KMT2C: variants seen among roughly 807,000 people sequenced by gnomAD.
KMT2C encodes histone-lysine N-methyltransferase 2C.
Under a neutral mutation model 507.9 loss-of-function variants are expected in KMT2C, and 88 were observed. The observed-to-expected ratio is 0.17, with a 90% CI of 0.15 to 0.21. The LOEUF is 0.21. Ranked by LOEUF, KMT2C falls within the 10% of genes least tolerant of loss-of-function variation. The pLI is 1.00. For missense variants in KMT2C, 4,954 were observed against 5,957.8 expected (o/e 0.83, Z 5.55); for synonymous variants, 2,049 against 2,080.8 (o/e 0.98, Z 0.42).
chr7:152,360,440 T>C (rs2097187275), intron 1 of KMT2C, among the ~76,000 whole-genome samples: 2 of 151,390 alleles, frequency 1.3e-5, no homozygotes, highest in South Asian at 2.1e-4. Flanking sequence ...ATCACACCAT[T>C]GCACTCCAGC....
At chr7:152,410,030 T>C (rs1437822761) in intron 1 of KMT2C, among the ~76,000 whole-genome samples, 5 of 152,284 alleles carry the variant, frequency 3.3e-5, no homozygotes, top group Non-Finnish European at 7.3e-5. Flanking sequence ...CTCATTACTC[T>C]TAAATCAACC....
At chr7:152,284,436 CT>C (rs2096265833) in intron 6 of KMT2C, among the ~76,000 whole-genome samples, 1 of 152,058 alleles carries the variant, frequency 6.6e-6, no homozygotes, top group East Asian at 1.9e-4. Context: ...ATCTCAAATT[CT>C]TTTATCATAT....
rs1432643437 is a variant in KMT2C, at chr7:152,251,932, A to T, written c.1621+7T>A. ...AAAATTTAAAAAAAAATCATTCTCA[A>T]ATTTACCTGTAGTGAGCTCAGCTAT... On this transcript the variant is annotated splice_region_variant and intron_variant, in intron 11 of 58. Transcript: ENST00000262189. The T allele has an allele frequency of 6.4e-7, 1 of 1,565,176 alleles. No individual in the cohort carries two copies. Among genetic ancestry groups the T allele is most frequent in the Non-Finnish European group, 8.6e-7 (1 of 1,157,872 alleles).
intron 44 of KMT2C, 79 bp downstream of exon 44, chr7:152,158,784 G>A: frequency 7.6e-7 from 1 of 1,321,918 alleles, no homozygotes; most frequent in Non-Finnish European, 1.1e-6. Flanking sequence ...CAAAGTGCTG[G>A]GATTACAGGC....
At chr7:152,184,610 C>T (rs1033955191) in intron 34 of KMT2C, among the ~76,000 whole-genome samples, 2 of 152,178 alleles carry the variant, frequency 1.3e-5, no homozygotes, top group Non-Finnish European at 1.5e-5. Flanking sequence ...GACACTGAGG[C>T]ATGCCAATCC....
At position 152,163,318 on chromosome 7, in the gene KMT2C, T is replaced by C. The variant is rs1177151751; in HGVS notation, c.10259A>G (p.Asp3420Gly). ...CCTCTGCTGCAAAGCTCTTTGTCTA[T>C]CTACCTCCTGCATGAGTTGGATCCG... is the stretch of plus-strand genomic sequence containing the variant. ...RQRIQLMQEV[D>G]RQRALQQRME... The change falls in exon 43 of 59, where the codon GAT becomes GGT. Residue 3420 changes from aspartate (D) to glycine (G), a missense_variant. Transcript: ENST00000262189. 2.5e-6 allele frequency: 4 copies of C among 1,614,116 alleles called. No individual in the cohort carries two copies. In the Admixed American group the frequency reaches 5.0e-5, roughly 20 times the overall value.
At chr7:152,298,498 A>G (rs1480463343) in intron 6 of KMT2C, among the ~76,000 whole-genome samples, 2 of 152,226 alleles carry the variant, frequency 1.3e-5, no homozygotes, top group African/African-American at 2.4e-5. Context: ...GTACATCTCT[A>G]AAGTTCTAGA....
chr7:152,309,311 T>C (rs2096648579), intron 6 of KMT2C, among the ~76,000 whole-genome samples: 1 of 147,366 alleles, frequency 6.8e-6, no homozygotes, highest in Non-Finnish European at 1.5e-5. Flanking sequence ...TTACACAAAT[T>C]AATTTTTTTT....
intron 38 of KMT2C, among the ~76,000 whole-genome samples, chr7:152,175,973 G>A (rs1258708609): frequency 6.6e-6 from 1 of 152,142 alleles, no homozygotes; most frequent in Non-Finnish European, 1.5e-5. Context: ...AACCCAGGAG[G>A]TGGAGGTTGC....
intron 9 of KMT2C, among the ~76,000 whole-genome samples, chr7:152,258,912 T>C (rs1003981238): frequency 4.6e-5 from 7 of 152,152 alleles, no homozygotes; most frequent in African/African-American, 1.7e-4. Context: ...ACATACTGCT[T>C]TATTAGATAC....
In KMT2C at chr7:152,144,271, T is replaced by C. The variant is rs962447252; in HGVS notation, c.14343+442A>G. 6.6e-6 allele frequency among the ~76,000 whole-genome samples: 1 copy of C among 152,236 alleles called. No individual in the cohort carries two copies. Among genetic ancestry groups the C allele is most frequent in the Non-Finnish European group, 1.5e-5 (1 of 68,048 alleles). ...CCTATACACGGCCTTACTTGTAAGA[T>C]AGTCCACAGTCTACCAAAAAACATG... On this transcript the variant is annotated intron_variant, in intron 55 of 58. Transcript: ENST00000262189. The surrounding 1 kb of genome is among the most constrained non-coding windows in gnomAD (Gnocchi z 4.4).
At chr7:152,224,309 A>C in intron 19 of KMT2C, 126 bp downstream of exon 19, 1 of 1,270,214 alleles carries the variant, frequency 7.9e-7, no homozygotes, top group Non-Finnish European at 1.1e-6. Flanking sequence ...TTTTCTGATT[A>C]CTGGTATCTA....
chr7:152,380,972 G>A (rs1449236526), intron 1 of KMT2C, among the ~76,000 whole-genome samples: 12 of 152,238 alleles, frequency 7.9e-5, no homozygotes, highest in African/African-American at 2.7e-4. Context: ...GACTCCAAAA[G>A]TTTTACAGCA....
intron 2 of KMT2C, among the ~76,000 whole-genome samples, chr7:152,357,814 G>A (rs1391901484): frequency 6.6e-6 from 1 of 152,090 alleles, no homozygotes; most frequent in Non-Finnish European, 1.5e-5. Flanking sequence ...CAACTGTAAG[G>A]ATTTCTGGAA....
At chr7:152,165,781 C>G (rs1229792383) in intron 42 of KMT2C, among the ~76,000 whole-genome samples, 2 of 152,052 alleles carry the variant, frequency 1.3e-5, no homozygotes, top group Non-Finnish European at 2.9e-5. Flanking sequence ...CTCCACCTCC[C>G]GGATTCAAGC....
chr7:152,187,940 G>GGTTTATGTGGT, intron 31 of KMT2C, 93 bp from the exon 32 acceptor site: 1 of 1,177,536 alleles, frequency 8.5e-7, no homozygotes, highest in South Asian at 1.4e-5. Flanking sequence ...GTTTTTAACT[G>GGTTTATGTGGT]CATGGGTCCA....
intron 5 of KMT2C, 67 bp from the exon 6 acceptor site, chr7:152,310,142 G>A (rs1041131788): frequency 9.6e-7 from 1 of 1,038,028 alleles, no homozygotes; most frequent in Non-Finnish European, 1.5e-6. Flanking sequence ...AATAAATAAA[G>A]ACATAAAACT....
intron 37 of KMT2C, among the ~76,000 whole-genome samples, chr7:152,178,776 G>GGTAGA (rs1404426480): frequency 6.6e-6 from 1 of 152,032 alleles, no homozygotes; most frequent in Non-Finnish European, 1.5e-5. Flanking sequence ...ATAACATGGA[G>GGTAGA]GTAGAGATAT....
At chr7:152,264,185 TAC>T (rs2095825417) in intron 8 of KMT2C, among the ~76,000 whole-genome samples, 1 of 152,218 alleles carries the variant, frequency 6.6e-6, no homozygotes, top group Admixed American at 6.5e-5. Context: ...AATATGGAGG[TAC>T]ATAGTCCTAT....
Sources: gnomAD v4.1 joint callset for allele counts (sites outside exome capture counted in the v4.1 genomes callset) on GRCh38, gnomAD v4.1.1 for gene constraint, Gnocchi (gnomAD v3.1) non-coding constraint, MANE v1.5 for transcripts, NCBI Gene and HGNC (gene_info 2026-07-23, HGNC 2026-07-21) for gene names.